ZNF821: variants seen among roughly 807,000 people sequenced by gnomAD.
ZNF821 encodes zinc finger protein 821.
In ZNF821, 16 loss-of-function variants were observed where a neutral mutation model predicts 44.3. The observed-to-expected ratio is 0.36, with a 90% CI of 0.24 to 0.55. The LOEUF (loss-of-function observed/expected upper bound fraction) is 0.55. Among genes scored for constraint, ZNF821 ranks in the 20% least tolerant of loss-of-function variants. The pLI is 0.86. For synonymous variants in ZNF821, 204 were observed against 197.6 expected (o/e 1.03, Z -0.27); for missense variants, 436 against 547.6 (o/e 0.80, Z 2.03).
chr16:71,864,112 A>G (rs775259468), intron 6 of ZNF821, 26 bp downstream of exon 6: 1 of 1,595,020 alleles, frequency 6.3e-7, no homozygotes, highest in Non-Finnish European at 8.6e-7. Flanking sequence ...CTTGTGTTCC[A>G]GAGCACACAG....
intron 1 of ZNF821, chr16:71,891,511 C>T (rs539521966): frequency 6.6e-6 from 1 of 152,240 alleles, no homozygotes; most frequent in Admixed American, 6.5e-5. Flanking sequence ...TGTTAAAGCC[C>T]AGGACACAGG....
At chr16:71,868,063 A>G in intron 3 of ZNF821, 26 bp from the exon 4 acceptor site, 1 of 1,529,418 alleles carries the variant, frequency 6.5e-7, no homozygotes, top group East Asian at 2.5e-5. Context: ...AAAAATAGTC[A>G]GGCCACCAGC....
At chr16:71,881,671 C>T (rs1402316033) in intron 2 of ZNF821, 1 of 152,196 alleles carries the variant, frequency 6.6e-6, no homozygotes, top group Non-Finnish European at 1.5e-5. Flanking sequence ...AATGCAGGCT[C>T]TATTAATATT....
At chr16:71,876,119 T>A (rs535785131) in intron 3 of ZNF821, among the ~76,000 whole-genome samples, 1 of 152,340 alleles carries the variant, frequency 6.6e-6, no homozygotes, top group South Asian at 2.1e-4. Flanking sequence ...AACACCCAAC[T>A]CCTATACTTG....
intron 2 of ZNF821, among the ~76,000 whole-genome samples, chr16:71,880,721 C>T (rs1313680405): frequency 2.6e-5 from 4 of 152,168 alleles, no homozygotes. Context: ...ATTCAACACC[C>T]CAGTGTGGAA....
intron 3 of ZNF821, among the ~76,000 whole-genome samples, chr16:71,878,844 T>C (rs150078962): frequency 3.5e-4 from 53 of 151,928 alleles, no homozygotes; most frequent in African/African-American, 1.1e-3. Context: ...AGCAGGAGAA[T>C]TGCTTGAAGC....
chr16:71,892,619 TG>T (rs1369007759), intron 1 of ZNF821, among the ~76,000 whole-genome samples: 1 of 150,394 alleles, frequency 6.6e-6, no homozygotes, highest in African/African-American at 2.5e-5. Flanking sequence ...TCGCTCAAGC[TG>T]GAATGCAGGG....
intron 1 of ZNF821, among the ~76,000 whole-genome samples, chr16:71,890,344 C>A (rs1049803091): frequency 1.3e-5 from 2 of 151,366 alleles, no homozygotes; most frequent in Non-Finnish European, 2.9e-5. Flanking sequence ...TCTTTCCCTT[C>A]TTTCTCTTAC....
At chr16:71,869,402 TAGTC>T (rs567884131) in intron 3 of ZNF821, among the ~76,000 whole-genome samples, 1 of 152,164 alleles carries the variant, frequency 6.6e-6, no homozygotes, top group Non-Finnish European at 1.5e-5. Context: ...GTGATCCCCT[TAGTC>T]ATTCATTCAG....
At chr16:71,882,787 C>G (rs1325923502) in intron 2 of ZNF821, among the ~76,000 whole-genome samples, 1 of 152,120 alleles carries the variant, frequency 6.6e-6, no homozygotes, top group Non-Finnish European at 1.5e-5. Flanking sequence ...CACTCTTGAC[C>G]ACAAAGCAAG....
intron 1 of ZNF821, among the ~76,000 whole-genome samples, chr16:71,890,181 T>C (rs8054602): frequency 0.047 from 7,104 of 152,240 alleles, 531 homozygotes; most frequent in African/African-American, 0.16. Context: ...GATTTTTTTT[T>C]CCTAGGCTTT....
intron 4 of ZNF821, 69 bp from the exon 5 acceptor site, chr16:71,865,117 A>G (rs1275388956): frequency 1.3e-6 from 2 of 1,579,912 alleles, no homozygotes; most frequent in African/African-American, 2.7e-5. Context: ...TCTCCACCCT[A>G]GAGTTGGCAG....
chr16:71,892,662 C>A (rs1005628426), intron 1 of ZNF821, among the ~76,000 whole-genome samples: 2 of 150,086 alleles, frequency 1.3e-5, no homozygotes, highest in Admixed American at 6.6e-5. Flanking sequence ...ACCTCCGCCT[C>A]CCCGGTTCAA....
At chr16:71,882,352 T>A (rs1447251805) in intron 2 of ZNF821, 5 of 149,288 alleles carry the variant, frequency 3.3e-5, no homozygotes, top group Admixed American at 1.3e-4. Context: ...GCTAAATATA[T>A]ATATACTCTA....
chr16:71,888,633 T>G (rs1231076874), upstream of ZNF821, among the ~76,000 whole-genome samples: 3 of 152,204 alleles, frequency 2.0e-5, no homozygotes, highest in East Asian at 5.8e-4. Flanking sequence ...TTGACCTATA[T>G]GCCTATCCTT....
At chr16:71,886,770 T>A (rs1248226020), upstream of ZNF821, among the ~76,000 whole-genome samples, 2 of 152,166 alleles carry the variant, frequency 1.3e-5, no homozygotes, top group Admixed American at 1.3e-4. Context: ...AATTCCGGAA[T>A]ATTTTCATCA....
At chr16:71,862,954 C>T (rs545037329) in intron 6 of ZNF821, among the ~76,000 whole-genome samples, 12 of 152,224 alleles carry the variant, frequency 7.9e-5, no homozygotes, top group Non-Finnish European at 1.5e-4. Flanking sequence ...AGTGCAGTGG[C>T]ATAATCTCAG....
chr16:71,895,075 C>A, exon 1 of ZNF821: 1 of 428,016 alleles, frequency 2.3e-6, no homozygotes. Context: ...ACGCAGGCTT[C>A]GAAACCCCCT....
At chr16:71,887,381 T>G (rs1307393511), upstream of ZNF821, among the ~76,000 whole-genome samples, 1 of 149,110 alleles carries the variant, frequency 6.7e-6, no homozygotes, top group Admixed American at 6.8e-5. Flanking sequence ...TGCCTCAGCC[T>G]CCCAAGCAGC....
Sources: allele counts gnomAD v4.1 joint callset (sites outside exome capture counted in the v4.1 genomes callset), GRCh38; gene constraint gnomAD v4.1.1; transcripts MANE v1.5; gene names NCBI Gene and HGNC (gene_info 2026-07-23, HGNC 2026-07-21).